TRA2A: variants seen among roughly 807,000 people sequenced by gnomAD.
The protein encoded by TRA2A is transformer 2 alpha homolog.
In TRA2A, 31 loss-of-function variants were observed where a neutral mutation model predicts 45.7. That is an observed-to-expected ratio of 0.68 (90% CI 0.51 to 0.92). The LOEUF (loss-of-function observed/expected upper bound fraction) is 0.92, where lower values mean the gene tolerates loss of function less well. TRA2A is among the 40% of genes least tolerant of loss of function. The probability of loss-of-function intolerance (pLI) is 0.00; values close to 1 mark genes in which losing one functional copy is unlikely to be tolerated. For synonymous variants in TRA2A, 132 were observed against 126.2 expected, an observed-to-expected ratio of 1.05 and a Z score of -0.31; for missense variants, 304 against 367.5, an observed-to-expected ratio of 0.83 and a Z score of 1.41.
chr7:23,514,485 C>T (rs1789768978), intron 3 of TRA2A, among the ~76,000 whole-genome samples: 1 of 152,170 alleles, frequency 6.6e-6, no homozygotes, highest in South Asian at 2.1e-4. Flanking sequence ...AAAGTATCCT[C>T]AGTTTAATAC....
chr7:23,531,695 G>C (rs745638127), intron 1 of TRA2A, 94 bp downstream of exon 1: 26 of 1,413,616 alleles, frequency 1.8e-5, no homozygotes, highest in South Asian at 3.5e-5. Context: ...TGCTCCTCGC[G>C]GGACTACCCG....
intron 1 of TRA2A, chr7:23,531,353 T>C: frequency 1.6e-6 from 1 of 625,562 alleles, no homozygotes; most frequent in Non-Finnish European, 2.0e-6. Context: ...CCCGCGCACT[T>C]TCGATCCCGA....
Position 23,521,775 on chromosome 7 carries a change from T to C in TRA2A, c.102A>G (p.Ser34=), listed in dbSNP as rs771919752. 1 of 1,614,166 alleles carries C rather than the reference T, an allele frequency of 6.2e-7. No homozygotes were observed. Among genetic ancestry groups the C allele is most frequent in the South Asian group, 1.1e-5 (1 of 91,092 alleles). ...TPARVKSESR[S]GSRSPSRVSK... is the part of the protein sequence containing the mutation. ...AAACCCTTGATGGACTACGAGATCC[T>C]GACCTGCTCTCCGATTTTACACGAG... Residue 34 remains serine (S), a synonymous_variant, in exon 2 of 8, where the codon TCA becomes TCG. Coordinates refer to ENST00000297071, the MANE Select transcript of TRA2A (RefSeq NM_013293.5).
intron 7 of TRA2A, 51 bp from the exon 8 acceptor site, chr7:23,505,620 T>C (rs1323328293): frequency 2.0e-5 from 11 of 554,584 alleles, no homozygotes; most frequent in Admixed American, 1.1e-4. Context: ...TTAACAATTA[T>C]AGTTTAATTT....
Position 23,505,394 on chromosome 7 carries a change from T to C in TRA2A, c.*165A>G. On this transcript the variant is annotated 3_prime_UTR_variant, in exon 8 of 8. Coordinates refer to ENST00000297071, the MANE Select transcript of TRA2A (RefSeq NM_013293.5). The stretch of plus-strand genomic sequence containing the variant: ...TACATCTTTTAAGAGTATAATAAAA[T>C]GGGTGGAAAACAGCAACACAACTGA... The C allele has an allele frequency of 2.1e-6, 1 of 467,048 alleles. No individual in the cohort carries two copies. Among genetic ancestry groups the C allele is most frequent in the Non-Finnish European group, 3.8e-6 (1 of 265,226 alleles). The allele number at this position is 467,048 out of a possible 1,614,324, so 28.9% of individuals were successfully genotyped here.
chr7:23,517,582 A>G (rs1789942631), intron 2 of TRA2A, among the ~76,000 whole-genome samples: 1 of 149,652 alleles, frequency 6.7e-6, no homozygotes, highest in Non-Finnish European at 1.5e-5. Context: ...CCACACTTCT[A>G]TTTTAAAAAA....
chr7:23,529,903 GTGGGAAT>G (rs2128001815), intron 1 of TRA2A, among the ~76,000 whole-genome samples: 1 of 148,432 alleles, frequency 6.7e-6, no homozygotes, highest in South Asian at 2.1e-4. Flanking sequence ...AGGCTGGTAG[GTGGGAAT>G]CTTAACATGT....
intron 5 of TRA2A, 169 bp from the exon 6 acceptor site, chr7:23,506,435 T>C (rs1789342837): frequency 1.3e-6 from 1 of 750,544 alleles, no homozygotes; most frequent in South Asian, 2.9e-5. Flanking sequence ...TGGTTTGCCT[T>C]ATTCCCTACA....
rs1790307379 is a variant in TRA2A, at chr7:23,525,541, A to T, written c.37-3701T>A. Reference sequence around the variant, plus strand: ...GCCTCCAGTCTATCTTATAGGCTATAAAGCAGAAGCCAGGCAGAAAAGTTC... The same window carrying T: ...GCCTCCAGTCTATCTTATAGGCTATTAAGCAGAAGCCAGGCAGAAAAGTTC... On this transcript the variant is annotated intron_variant, in intron 1 of 7. Transcript: ENST00000297071. 5.9e-5 allele frequency among the ~76,000 whole-genome samples: 9 copies of T among 152,358 alleles called. No individual in the cohort carries two copies. The South Asian group carries it at 1.9e-3, about 32-fold the overall frequency.
intron 2 of TRA2A, 143 bp downstream of exon 2, chr7:23,521,564 T>C (rs1002728091): frequency 5.4e-6 from 5 of 922,338 alleles, no homozygotes; most frequent in Non-Finnish European, 8.2e-6. Context: ...GTCTGGGATA[T>C]AGTATTCATT....
chr7:23,520,505 G>A (rs1298623809), intron 2 of TRA2A, among the ~76,000 whole-genome samples: 2 of 151,970 alleles, frequency 1.3e-5, no homozygotes, highest in Non-Finnish European at 2.9e-5. Context: ...ATCAAGCACC[G>A]GGCTAGACCC....
intron 1 of TRA2A, among the ~76,000 whole-genome samples, chr7:23,523,483 A>T (rs774534151): frequency 2.6e-5 from 4 of 152,222 alleles, no homozygotes; most frequent in African/African-American, 9.6e-5. Flanking sequence ...ATTTCACACC[A>T]ATTTATTTAT....
intron 2 of TRA2A, among the ~76,000 whole-genome samples, chr7:23,521,334 C>A (rs1323780653): frequency 6.6e-6 from 1 of 152,216 alleles, no homozygotes; most frequent in Non-Finnish European, 1.5e-5. Context: ...AGAAACCAGA[C>A]ACTAATTATC....
At chr7:23,530,129 A>G (rs953943275) in intron 1 of TRA2A, among the ~76,000 whole-genome samples, 2 of 152,180 alleles carry the variant, frequency 1.3e-5, no homozygotes, top group African/African-American at 4.8e-5. Flanking sequence ...CAAAATTTCT[A>G]TCGATAATTA....
chr7:23,512,878 T>A lies in TRA2A; in HGVS notation c.525+16A>T. On this transcript the variant is annotated intron_variant, in intron 4 of 7. Transcript: ENST00000297071. ...TAATTCAGTACTATAATCAGGCATA[T>A]AAAAGACAAATTTACCTCCTTTGAG... 1 of 1,586,984 alleles carries A rather than the reference T, an allele frequency of 6.3e-7. No individual in the cohort carries two copies. The highest frequency in any genetic ancestry group is 8.6e-7 in the Non-Finnish European group (1 of 1,164,198).
intron 4 of TRA2A, among the ~76,000 whole-genome samples, chr7:23,510,769 C>T (rs958069958): frequency 3.9e-5 from 6 of 152,024 alleles, no homozygotes; most frequent in Non-Finnish European, 8.8e-5. Flanking sequence ...GCTCAGATAT[C>T]CTAGTATTTC....
At chr7:23,517,623 A>G (rs188376857) in intron 2 of TRA2A, among the ~76,000 whole-genome samples, 2 of 150,410 alleles carry the variant, frequency 1.3e-5, no homozygotes, top group Non-Finnish European at 1.5e-5. Context: ...AACAAAACAA[A>G]AAAAATCAGG....
intron 1 of TRA2A, among the ~76,000 whole-genome samples, chr7:23,528,109 T>C (rs907121573): frequency 1.3e-5 from 2 of 152,210 alleles, no homozygotes; most frequent in Admixed American, 1.3e-4. Context: ...TGGAATTAAA[T>C]TGCTAAAGAC....
At chr7:23,522,957 T>G (rs1293281937) in intron 1 of TRA2A, among the ~76,000 whole-genome samples, 3 of 152,184 alleles carry the variant, frequency 2.0e-5, no homozygotes, top group Non-Finnish European at 4.4e-5. Context: ...AAATTACACC[T>G]TCTCCCAACT....
Sources: allele counts gnomAD v4.1 joint callset (sites outside exome capture counted in the v4.1 genomes callset), GRCh38; gene constraint gnomAD v4.1.1; transcripts MANE v1.5; gene names NCBI Gene and HGNC (gene_info 2026-07-23, HGNC 2026-07-21).